Variants in PTK2 observed in about 807,000 individuals in gnomAD.
PTK2 encodes focal adhesion kinase 1.
Under a neutral mutation model 150.1 loss-of-function variants are expected in PTK2, and 45 were observed. The ratio of observed to expected loss-of-function variants is 0.30; its 90% CI spans 0.24 to 0.38. PTK2 has a LOEUF of 0.38. PTK2 is among the 10% of genes least tolerant of loss of function. The pLI, the probability that PTK2 is intolerant of heterozygous loss-of-function variation, is 1.00. For synonymous variants in PTK2, 432 were observed against 449.2 expected (o/e 0.96, Z 0.48); for missense variants, 919 against 1,307.3 (o/e 0.70, Z 4.58).
intron 30 of PTK2, among the ~76,000 whole-genome samples, chr8:140,667,464 CTCTTTT>C (rs773932919): frequency 1.2e-5 from 1 of 84,640 alleles, no homozygotes. Context: ...CTCTCTCTCT[CTCTTTT>C]TTTTTTTTTT....
chr8:140,775,407 C>T (rs2100077831), intron 14 of PTK2, among the ~76,000 whole-genome samples: 1 of 152,088 alleles, frequency 6.6e-6, no homozygotes, highest in African/African-American at 2.4e-5. Flanking sequence ...ACTGTTTGAG[C>T]CCGGGAGATG....
chr8:140,802,310 C>T (rs549875783), intron 11 of PTK2, among the ~76,000 whole-genome samples: 3 of 151,490 alleles, frequency 2.0e-5, no homozygotes, highest in Non-Finnish European at 4.4e-5. Context: ...AACAAAAAAG[C>T]TGAAAAAGTA....
intron 1 of PTK2, among the ~76,000 whole-genome samples, chr8:140,986,118 G>A (rs1418856537): frequency 6.6e-6 from 1 of 152,206 alleles, no homozygotes; most frequent in Non-Finnish European, 1.5e-5. Context: ...TGATGAAAAT[G>A]TTCTATACCA....
At chr8:141,000,449 G>A (rs1049020047) in intron 1 of PTK2, among the ~76,000 whole-genome samples, 32 of 152,098 alleles carry the variant, frequency 2.1e-4, no homozygotes, top group African/African-American at 7.5e-4. Context: ...GGGCCGTCGC[G>A]AGCCTCCCTC....
chr8:140,958,006 CAA>C (rs757798856), intron 1 of PTK2, among the ~76,000 whole-genome samples: 1 of 152,170 alleles, frequency 6.6e-6, no homozygotes, highest in Non-Finnish European at 1.5e-5. Context: ...CATGAAATAG[CAA>C]AGTCTCTTGT....
intron 2 of PTK2, among the ~76,000 whole-genome samples, chr8:140,897,405 T>A (rs568465404): frequency 6.6e-6 from 1 of 152,360 alleles, no homozygotes; most frequent in East Asian, 1.9e-4. Context: ...TTTTACACTT[T>A]AATGTTTTAT....
chr8:140,890,734 C>T (rs775490424), exon 3 of PTK2: 4 of 1,614,030 alleles, frequency 2.5e-6, no homozygotes, highest in Non-Finnish European at 2.5e-6. Context: ...TAAGCAGCTG[C>T]CATTATTTTG....
chr8:140,927,967 A>T (rs1569055223), intron 1 of PTK2, among the ~76,000 whole-genome samples: 215 of 83,332 alleles, frequency 2.6e-3, no homozygotes, highest in African/African-American at 9.4e-3. Flanking sequence ...AGAAAAAAAA[A>T]AAAAAAAAAT....
At chr8:140,806,136 G>A (rs2100098052) in intron 10 of PTK2, among the ~76,000 whole-genome samples, 1 of 152,160 alleles carries the variant, frequency 6.6e-6, no homozygotes, top group Non-Finnish European at 1.5e-5. Flanking sequence ...GTCCTGGTGT[G>A]TATTTATGTC....
chr8:140,856,040 G>C (rs2100132378), intron 5 of PTK2, among the ~76,000 whole-genome samples: 1 of 152,052 alleles, frequency 6.6e-6, no homozygotes, highest in Admixed American at 6.6e-5. Flanking sequence ...CAAAAAAGGA[G>C]ACCTACTAAC....
chr8:140,780,745 T>TA (rs1228767008), intron 14 of PTK2, among the ~76,000 whole-genome samples: 15 of 152,158 alleles, frequency 9.9e-5, no homozygotes, highest in East Asian at 1.9e-4. Flanking sequence ...TAATGTTTTG[T>TA]AAAAAAAGTC....
chr8:140,902,420 C>T (rs2100158865), intron 2 of PTK2, among the ~76,000 whole-genome samples: 2 of 152,196 alleles, frequency 1.3e-5, no homozygotes, highest in Admixed American at 1.3e-4. Context: ...TTGCAATAAA[C>T]ATACATGTGC....
chr8:140,818,228 ATTC>A (rs1352059346), intron 10 of PTK2, 46 bp downstream of exon 10: 2 of 1,493,342 alleles, frequency 1.3e-6, no homozygotes, highest in African/African-American at 2.8e-5. Flanking sequence ...CCTTAATTTG[ATTC>A]TTCTTTGTGT....
At chr8:140,915,294 T>C (rs1415619313) in intron 2 of PTK2, among the ~76,000 whole-genome samples, 1 of 152,108 alleles carries the variant, frequency 6.6e-6, no homozygotes, top group Non-Finnish European at 1.5e-5. Context: ...CTGGGTGTGG[T>C]GGCACACACC....
chr8:140,755,701 G>A (rs1427130496), intron 16 of PTK2, among the ~76,000 whole-genome samples: 1 of 152,034 alleles, frequency 6.6e-6, no homozygotes, highest in African/African-American at 2.4e-5. Context: ...CTTGTGCCTT[G>A]GGTAGAATTA....
At chr8:140,882,650 T>G (rs1025442299) in intron 3 of PTK2, among the ~76,000 whole-genome samples, 4 of 152,184 alleles carry the variant, frequency 2.6e-5, no homozygotes, top group Non-Finnish European at 5.9e-5. Flanking sequence ...TGCCTGTATC[T>G]TATCAGGAAC....
Position 140,712,856 on chromosome 8 carries a change from A to G in PTK2, c.2142+4742T>C, listed in dbSNP as rs553361841. 1.8e-4 allele frequency among the ~76,000 whole-genome samples: 28 copies of G among 152,306 alleles called. No homozygotes were observed. In the South Asian group the frequency reaches 5.8e-3, roughly 32 times the overall value. ...AAACTCGAATTTTATACCGGTAACA[A>G]ACAGTTGTTTTCTTCAAAGTCACAG... is the stretch of plus-strand genomic sequence containing the variant. On this transcript the variant is annotated intron_variant, in intron 23 of 31. Coordinates refer to ENST00000522684, the Ensembl canonical transcript of PTK2.
At chr8:140,823,791 A>G (rs1306728223) in intron 8 of PTK2, among the ~76,000 whole-genome samples, 1 of 152,216 alleles carries the variant, frequency 6.6e-6, no homozygotes, top group African/African-American at 2.4e-5. Flanking sequence ...GACTAGTAGC[A>G]CTAGACAGCA....
chr8:140,864,614 G>A (rs975027752), intron 4 of PTK2, among the ~76,000 whole-genome samples: 8 of 152,176 alleles, frequency 5.3e-5, no homozygotes, highest in African/African-American at 1.7e-4. Context: ...AGTGATTCAA[G>A]GAAACAGAGC....
Sources: allele counts gnomAD v4.1 joint callset (sites outside exome capture counted in the v4.1 genomes callset), GRCh38; gene constraint gnomAD v4.1.1; transcripts MANE v1.5; gene names NCBI Gene and HGNC (gene_info 2026-07-23, HGNC 2026-07-21).